The following CNTN4 variants were observed in gnomAD, a reference collection of about 807,000 sequenced individuals.
CNTN4 encodes contactin-4.
A neutral mutation model predicts 122.5 loss-of-function variants in CNTN4; 77 were observed. The ratio of observed to expected loss-of-function variants is 0.63; its 90% CI spans 0.52 to 0.76. CNTN4 has a LOEUF of 0.76. Among genes scored for constraint, CNTN4 ranks in the 30% least tolerant of loss-of-function variants. The pLI, the probability that CNTN4 is intolerant of heterozygous loss-of-function variation, is 0.00. For synonymous variants in CNTN4, 512 were observed against 447.0 expected (o/e 1.15, Z -1.83); for missense variants, 1,256 against 1,259.1 (o/e 1.00, Z 0.04).
chr3:2,625,034 T>C (rs1282098347), intron 4 of CNTN4, among the ~76,000 whole-genome samples: 1 of 152,198 alleles, frequency 6.6e-6, no homozygotes, highest in Non-Finnish European at 1.5e-5. Context: ...TGAGTAATAA[T>C]AGTAGCTACC....
At chr3:2,505,071 G>C (rs1315744212) in intron 3 of CNTN4, among the ~76,000 whole-genome samples, 1 of 152,274 alleles carries the variant, frequency 6.6e-6, no homozygotes, top group East Asian at 1.9e-4. Flanking sequence ...TAGTTTTGTG[G>C]CATTGCTGCA....
chr3:2,827,668 A>G (rs1179116073), intron 7 of CNTN4, among the ~76,000 whole-genome samples: 1 of 152,226 alleles, frequency 6.6e-6, no homozygotes, highest in Non-Finnish European at 1.5e-5. Flanking sequence ...TTGCTATTAA[A>G]GACTTTACAG....
At chr3:2,834,524 G>T (rs2150409724) in intron 7 of CNTN4, among the ~76,000 whole-genome samples, 1 of 152,182 alleles carries the variant, frequency 6.6e-6, no homozygotes, top group Non-Finnish European at 1.5e-5. Context: ...CCAAGATCAT[G>T]CCACTGTACT....
intron 4 of CNTN4, among the ~76,000 whole-genome samples, chr3:2,705,828 A>T (rs1293706589): frequency 4.5e-4 from 48 of 106,140 alleles, no homozygotes; most frequent in African/African-American, 1.8e-3. Flanking sequence ...TATATAATAA[A>T]TATATATAAT....
At chr3:2,484,933 G>A (rs1345518103) in intron 3 of CNTN4, among the ~76,000 whole-genome samples, 2 of 152,132 alleles carry the variant, frequency 1.3e-5, no homozygotes, top group African/African-American at 4.8e-5. Context: ...CGGGAGCCAG[G>A]GCTGCACCCT....
chr3:2,125,330 C>CTGTGTGTGTG (rs397721422), intron 2 of CNTN4, among the ~76,000 whole-genome samples: 15,872 of 143,278 alleles, frequency 0.11, 975 homozygotes, highest in Middle Eastern at 0.16. Context: ...ATTCTATTCT[C>CTGTGTGTGTG]TGTGTGTGTG....
At chr3:2,932,332 T>C (rs910087461) in intron 13 of CNTN4, among the ~76,000 whole-genome samples, 2 of 152,080 alleles carry the variant, frequency 1.3e-5, no homozygotes, top group South Asian at 2.1e-4. Flanking sequence ...GAGCCGAGAT[T>C]GCACCACTGC....
intron 4 of CNTN4, among the ~76,000 whole-genome samples, chr3:2,584,091 AGCCCAGTAACT>A (rs753055940): frequency 6.6e-6 from 1 of 152,208 alleles, no homozygotes; most frequent in Non-Finnish European, 1.5e-5. Flanking sequence ...CATTTAAAAT[AGCCCAGTAACT>A]GCCCTATAGT....
chr3:2,274,836 G>A (rs1192757243), intron 2 of CNTN4, among the ~76,000 whole-genome samples: 3 of 152,104 alleles, frequency 2.0e-5, no homozygotes, highest in Admixed American at 2.0e-4. Context: ...ATGTCCCTGT[G>A]ATAAGGCTGG....
chr3:2,753,589 G>A (rs1361984341), intron 6 of CNTN4, among the ~76,000 whole-genome samples: 6 of 152,192 alleles, frequency 3.9e-5, no homozygotes, highest in Admixed American at 3.9e-4. Context: ...TGAGTCTTGA[G>A]CAGATGCCTG....
intron 3 of CNTN4, among the ~76,000 whole-genome samples, chr3:2,412,736 A>G (rs541455623): frequency 3.3e-5 from 5 of 152,254 alleles, no homozygotes; most frequent in South Asian, 2.1e-4. Flanking sequence ...CATCATACGT[A>G]TATACCTTTG....
chr3:2,919,584 A>G (rs1212134850), intron 12 of CNTN4, among the ~76,000 whole-genome samples: 1 of 152,170 alleles, frequency 6.6e-6, no homozygotes, highest in Non-Finnish European at 1.5e-5. Context: ...TCTCACTATC[A>G]TAGTCTAATG....
At chr3:2,354,104 A>G (rs1194439709) in intron 3 of CNTN4, among the ~76,000 whole-genome samples, 1 of 152,238 alleles carries the variant, frequency 6.6e-6, no homozygotes, top group Non-Finnish European at 1.5e-5. Flanking sequence ...AAAACACGTA[A>G]GTTCAGAGTG....
At chr3:2,849,717 A>T (rs1046258623) in intron 7 of CNTN4, among the ~76,000 whole-genome samples, 9 of 152,176 alleles carry the variant, frequency 5.9e-5, no homozygotes, top group Admixed American at 5.2e-4. Flanking sequence ...AATGCACGTG[A>T]TATATGAAAA....
intron 10 of CNTN4, among the ~76,000 whole-genome samples, chr3:2,895,287 G>T (rs1577188300): frequency 1.3e-5 from 2 of 152,280 alleles, no homozygotes; most frequent in East Asian, 3.9e-4. Context: ...GATGGCAGAA[G>T]ACTTTCAATA....
In CNTN4 at chr3:2,496,780, C is replaced by T. The variant is rs1298443614; in HGVS notation, c.-88-74636C>T. Among the ~76,000 whole-genome samples the T allele has an allele frequency of 2.0e-5, 3 of 152,092 alleles. No individual in the cohort carries two copies. The East Asian group carries it at 5.8e-4, about 29-fold the overall frequency. ...ATGTGATATGGGTAATAAGTGTTCCCTTGTGTTAAGGCTCTCCAGAGAAAC... is the reference window on the plus strand; with the variant it reads ...ATGTGATATGGGTAATAAGTGTTCCTTTGTGTTAAGGCTCTCCAGAGAAAC... On this transcript the variant is annotated intron_variant, in intron 3 of 24. Coordinates refer to ENST00000418658, the MANE Select transcript of CNTN4 (RefSeq NM_175607.3).
In CNTN4 at chr3:2,885,802, C is replaced by T. The variant is rs566681481; in HGVS notation, c.756-1238C>T. Among the ~76,000 whole-genome samples, 21 of 152,266 alleles carry T rather than the reference C, an allele frequency of 1.4e-4. No homozygotes were observed. The East Asian group carries it at 2.3e-3, about 17-fold the overall frequency. On this transcript the variant is annotated intron_variant, in intron 9 of 24. Transcript: ENST00000418658. ...AGGTCTTTCAGTAGTATTTAGCTGA[C>T]AGATGAACTGGTCTAGAAAGCTCAC...
chr3:2,253,936 A>G (rs6442721), intron 2 of CNTN4, among the ~76,000 whole-genome samples: 1 of 151,976 alleles, frequency 6.6e-6, no homozygotes, highest in Non-Finnish European at 1.5e-5. Flanking sequence ...CATGTGCAGA[A>G]CATGCAGGTT....
intron 6 of CNTN4, among the ~76,000 whole-genome samples, chr3:2,798,244 T>G (rs889045411): frequency 6.6e-6 from 1 of 151,642 alleles, no homozygotes; most frequent in Admixed American, 6.6e-5. Context: ...AAAGACAAGA[T>G]TTTATTCTTT....
Sources: gnomAD v4.1 joint callset for allele counts (sites outside exome capture counted in the v4.1 genomes callset) on GRCh38, gnomAD v4.1.1 for gene constraint, MANE v1.5 for transcripts, NCBI Gene and HGNC (gene_info 2026-07-23, HGNC 2026-07-21) for gene names.